The following RAPGEF1 variants were observed in gnomAD, a reference collection of about 807,000 sequenced individuals.
The protein encoded by RAPGEF1 is Rap guanine nucleotide exchange factor 1.
In RAPGEF1, 33 loss-of-function variants were observed where a neutral mutation model predicts 143.3. The observed-to-expected ratio is 0.23, with a 90% confidence interval of 0.17 to 0.31. The LOEUF (loss-of-function observed/expected upper bound fraction) is 0.31. Ranked by LOEUF, RAPGEF1 falls within the 10% of genes least tolerant of loss-of-function variation. The probability of loss-of-function intolerance (pLI) is 1.00; values close to 1 mark genes in which losing one functional copy is unlikely to be tolerated. For synonymous variants in RAPGEF1, 629 were observed against 676.5 expected (o/e 0.93, Z 1.09); for missense variants, 1,199 against 1,645.4 (o/e 0.73, Z 4.69).
chr9:131,647,480 C>G (rs1334996494), intron 3 of RAPGEF1, among the ~76,000 whole-genome samples: 1 of 152,312 alleles, frequency 6.6e-6, no homozygotes, highest in Middle Eastern at 3.4e-3. Context: ...TCCCTCGTAT[C>G]TGAGCAGGGA....
Position 131,592,083 on chromosome 9 carries a change from AG to A in RAPGEF1, c.2774+15del. ...GCCCATGGTGCAGGGGCCCTGGGTC[AG>A]GAAGGAAAGGATATCTGTACTGCAG... On this transcript the variant is annotated intron_variant, in intron 18 of 26. Transcript: ENST00000683357. The A allele has an allele frequency of 6.3e-7, 1 of 1,588,316 alleles. No homozygotes were observed. The highest frequency in any genetic ancestry group is 1.1e-5 in the South Asian group (1 of 90,528).
At chr9:131,688,099 G>A (rs1159015370) in intron 1 of RAPGEF1, among the ~76,000 whole-genome samples, 1 of 152,206 alleles carries the variant, frequency 6.6e-6, no homozygotes, top group East Asian at 1.9e-4. Flanking sequence ...ACCTTTCCAA[G>A]GTTAGTTCGT....
intron 1 of RAPGEF1, among the ~76,000 whole-genome samples, chr9:131,692,558 C>T (rs189449398): frequency 6.6e-6 from 1 of 152,278 alleles, no homozygotes; most frequent in African/African-American, 2.4e-5. Flanking sequence ...ACCCAAACAC[C>T]GGACGTTATA....
At chr9:131,590,028 A>G (rs765205077) in intron 18 of RAPGEF1, 50 bp from the exon 19 acceptor site, 2 of 1,526,632 alleles carry the variant, frequency 1.3e-6, no homozygotes, top group Admixed American at 3.3e-5. Flanking sequence ...AGGGTGGTGG[A>G]GTGGAGGACT....
chr9:131,727,342 A>C (rs538104615), intron 1 of RAPGEF1, among the ~76,000 whole-genome samples: 1 of 152,274 alleles, frequency 6.6e-6, no homozygotes, highest in African/African-American at 2.4e-5. Context: ...CACATAATGA[A>C]TCTTTCTCCC....
intron 1 of RAPGEF1, among the ~76,000 whole-genome samples, chr9:131,727,094 T>TCC (rs914474941): frequency 6.6e-6 from 1 of 151,876 alleles, no homozygotes; most frequent in Admixed American, 6.6e-5. Context: ...AGGGGAAGGT[T>TCC]CCCCCTTTTA....
chr9:131,669,578 C>T (rs1293706058), intron 1 of RAPGEF1, among the ~76,000 whole-genome samples: 1 of 152,186 alleles, frequency 6.6e-6, no homozygotes, highest in Non-Finnish European at 1.5e-5. Flanking sequence ...GCAGTTCAGG[C>T]TCCTTCCTCC....
At chr9:131,682,867 G>A (rs1004846693) in intron 1 of RAPGEF1, among the ~76,000 whole-genome samples, 2 of 152,178 alleles carry the variant, frequency 1.3e-5, no homozygotes, top group Non-Finnish European at 2.9e-5. Context: ...CTGGCCGTCC[G>A]TGAGGCCAAT....
chr9:131,634,903 G>GC (rs1458503466), intron 5 of RAPGEF1, among the ~76,000 whole-genome samples: 18 of 151,934 alleles, frequency 1.2e-4, no homozygotes, highest in Admixed American at 3.3e-4. Context: ...GAGTGGCTCG[G>GC]CCCCCCAGCA....
intron 9 of RAPGEF1, 68 bp from the exon 10 acceptor site, chr9:131,626,490 C>A: frequency 1.4e-6 from 2 of 1,475,068 alleles, no homozygotes; most frequent in South Asian, 1.4e-5. Flanking sequence ...CAGCTCCCCC[C>A]GCCCGCCTCT....
At chr9:131,727,438 G>A (rs933164501) in intron 1 of RAPGEF1, among the ~76,000 whole-genome samples, 1 of 152,094 alleles carries the variant, frequency 6.6e-6, no homozygotes, top group Non-Finnish European at 1.5e-5. Flanking sequence ...CCAGTTCAAG[G>A]CCCTCCAATT....
chr9:131,582,474 A>G (rs1454467376), intron 25 of RAPGEF1, 131 bp downstream of exon 25: 12 of 590,092 alleles, frequency 2.0e-5, no homozygotes, highest in Non-Finnish European at 3.1e-5. Flanking sequence ...AACCTTAAGT[A>G]AAACCAAGTA....
intron 1 of RAPGEF1, among the ~76,000 whole-genome samples, chr9:131,735,320 C>T (rs1043859107): frequency 6.6e-6 from 1 of 152,354 alleles, no homozygotes; most frequent in East Asian, 1.9e-4. Flanking sequence ...TCCCCTACCC[C>T]ACTGCCTGTG....
chr9:131,726,487 G>A (rs1476912762), intron 1 of RAPGEF1, among the ~76,000 whole-genome samples: 1 of 152,054 alleles, frequency 6.6e-6, no homozygotes. Context: ...TTAGCCGGAC[G>A]CGGTGGTGGA....
At chr9:131,589,765 A>G (rs1953875334) in intron 19 of RAPGEF1, 121 bp downstream of exon 19, 2 of 913,384 alleles carry the variant, frequency 2.2e-6, no homozygotes, top group Admixed American at 2.0e-5. Flanking sequence ...CATTCTCTCA[A>G]AGGACCAAGA....
chr9:131,668,475 T>C (rs1384021801), intron 1 of RAPGEF1, among the ~76,000 whole-genome samples: 1 of 152,082 alleles, frequency 6.6e-6, no homozygotes, highest in Non-Finnish European at 1.5e-5. Flanking sequence ...GGGGAGGTAT[T>C]CTTATTACCA....
intron 1 of RAPGEF1, among the ~76,000 whole-genome samples, chr9:131,723,365 T>C (rs181895745): frequency 2.0e-5 from 3 of 152,312 alleles, no homozygotes; most frequent in Admixed American, 1.3e-4. Context: ...ACATTCATAA[T>C]GTGCCATCAT....
chr9:131,669,559 TG>T (rs1253078727), intron 1 of RAPGEF1, among the ~76,000 whole-genome samples: 1 of 152,160 alleles, frequency 6.6e-6, no homozygotes, highest in African/African-American at 2.4e-5. Context: ...CCCCTGCCCC[TG>T]AACGAGGGCA....
chr9:131,588,844 C>T lies in RAPGEF1; in HGVS notation c.3010G>A (p.Ala1004Thr). The T allele has an allele frequency of 6.2e-7, 1 of 1,613,734 alleles. No homozygotes were observed. Among genetic ancestry groups the T allele is most frequent in the East Asian group, 2.2e-5 (1 of 44,882 alleles). The change falls in exon 20 of 27, where the codon GCC becomes ACC. Residue 1004 changes from alanine to threonine, a missense_variant. Transcript: ENST00000683357. Reference sequence around the variant, plus strand: ...GCTGCCAGGGGCTGGCTGGAGGTGGCACACCTGAGTAGCTTCTTCTGGTCC... The same window carrying T: ...GCTGCCAGGGGCTGGCTGGAGGTGGTACACCTGAGTAGCTTCTTCTGGTCC... The part of the protein sequence containing the change: ...KVDQKKLLRC[A>T]TSSQPLAARG...
Sources: allele counts gnomAD v4.1 joint callset (sites outside exome capture counted in the v4.1 genomes callset), GRCh38; gene constraint gnomAD v4.1.1; transcripts MANE v1.5; gene names NCBI Gene and HGNC (gene_info 2026-07-23, HGNC 2026-07-21).